Variants in PIWIL2 observed in about 807,000 individuals in gnomAD.
The protein encoded by PIWIL2 is piwi like RNA-mediated gene silencing 2, also known as piwi-like protein 2.
Under a neutral mutation model 116.5 loss-of-function variants are expected in PIWIL2, and 81 were observed. The observed-to-expected ratio is 0.70, with a 90% CI of 0.58 to 0.84. The LOEUF (loss-of-function observed/expected upper bound fraction) is 0.84. Ranked by LOEUF, PIWIL2 falls within the 40% of genes least tolerant of loss-of-function variation. The pLI, the probability that PIWIL2 is intolerant of heterozygous loss-of-function variation, is 0.00. For missense variants in PIWIL2, 1,272 were observed against 1,212.3 expected, an observed-to-expected ratio of 1.05 and a Z score of -0.73; for synonymous variants, 489 against 429.5, an observed-to-expected ratio of 1.14 and a Z score of -1.71.
chr8:22,326,934 G>T (rs1831738517), intron 20 of PIWIL2, among the ~76,000 whole-genome samples: 1 of 151,868 alleles, frequency 6.6e-6, no homozygotes, highest in Admixed American at 6.6e-5. Context: ...TTGCCCAGTG[G>T]CCAAGCATCA....
At chr8:22,315,623 A>G (rs1230563603) in intron 18 of PIWIL2, among the ~76,000 whole-genome samples, 1 of 152,130 alleles carries the variant, frequency 6.6e-6, no homozygotes, top group Non-Finnish European at 1.5e-5. Context: ...CCTGGTTTTT[A>G]TGTTTTTAAA....
chr8:22,338,203 G>T lies in PIWIL2; in HGVS notation c.2404-14756G>T, dbSNP rs151126433. Reference sequence around the variant, plus strand: ...ATTGAGAAGATTGGGAAGGAGAAAAGAAAACTATCTTTGCAGTTTGTGTGA... The same window carrying T: ...ATTGAGAAGATTGGGAAGGAGAAAATAAAACTATCTTTGCAGTTTGTGTGA... On this transcript the variant is annotated intron_variant, in intron 20 of 22. Transcript: ENST00000356766. Among the ~76,000 whole-genome samples the T allele has an allele frequency of 2.7e-4, 41 of 152,282 alleles. No homozygotes were observed. The East Asian group carries it at 7.7e-3, about 29-fold the overall frequency.
chr8:22,304,045 A>G lies in PIWIL2; in HGVS notation c.1206A>G (p.Lys402=), dbSNP rs1563374359. 6.2e-7 allele frequency: 1 copy of G among 1,612,644 alleles called. No individual in the cohort carries two copies. The highest frequency in any genetic ancestry group is 8.5e-7 in the Non-Finnish European group (1 of 1,179,410). Reference sequence around the variant, plus strand: ...GGCATGCCATTTATCAGCAGAATAAAGAACACTTCCAGGATGAGTGTACTA... The same window carrying G: ...GGCATGCCATTTATCAGCAGAATAAGGAACACTTCCAGGATGAGTGTACTA... The part of the protein sequence containing the change: ...DVMHAIYQQN[K]EHFQDECTKL... The change falls in exon 11 of 23, where the codon AAA becomes AAG. Residue 402 remains lysine (K), a synonymous_variant. Coordinates refer to ENST00000356766, the MANE Select transcript of PIWIL2 (RefSeq NM_018068.5).
intron 10 of PIWIL2, among the ~76,000 whole-genome samples, chr8:22,295,134 T>TA (rs1417581647): frequency 2.6e-5 from 4 of 152,046 alleles, no homozygotes; most frequent in Admixed American, 6.6e-5. Context: ...TTTTTTTTGT[T>TA]AAAAAAATTC....
intron 5 of PIWIL2, 148 bp from the exon 6 acceptor site, chr8:22,284,014 A>G (rs1830574964): frequency 1.9e-6 from 1 of 514,732 alleles, no homozygotes; most frequent in Non-Finnish European, 3.4e-6. Flanking sequence ...TGCTTCTGTA[A>G]GTGTTGCCTC....
chr8:22,278,335 C>G (rs1466094121), intron 1 of PIWIL2, among the ~76,000 whole-genome samples: 2 of 152,038 alleles, frequency 1.3e-5, no homozygotes, highest in Non-Finnish European at 2.9e-5. Context: ...GCCTTGGCAA[C>G]GTGGCAAGAC....
intron 22 of PIWIL2, among the ~76,000 whole-genome samples, chr8:22,354,788 G>T (rs1832452297): frequency 1.3e-5 from 2 of 152,180 alleles, no homozygotes; most frequent in Non-Finnish European, 2.9e-5. Flanking sequence ...AAAAACAGGA[G>T]GCTGGGTGCG....
intron 20 of PIWIL2, among the ~76,000 whole-genome samples, chr8:22,343,212 C>T (rs1483284667): frequency 6.6e-6 from 1 of 152,154 alleles, no homozygotes; most frequent in African/African-American, 2.4e-5. Context: ...CAAGACCAAC[C>T]TGACCAACAT....
In PIWIL2 at chr8:22,353,054, A is replaced by T; in HGVS notation, c.2499A>T (p.Leu833=). 1 of 1,614,132 alleles carries T rather than the reference A, an allele frequency of 6.2e-7. No individual in the cohort carries two copies. The highest frequency in any genetic ancestry group is 8.5e-7 in the Non-Finnish European group (1 of 1,179,990). ...KTVANYEIPQ[L]QKCFEAFENY... is the part of the protein sequence containing the mutation. ...TTGCCAACTATGAGATTCCTCAACT[A>T]CAGAAGTGTTTTGAAGCTTTTGAGA... is the stretch of plus-strand genomic sequence containing the variant. Residue 833 remains leucine, a synonymous_variant, in exon 21 of 23, where the codon CTA becomes CTT. Coordinates refer to ENST00000356766, the MANE Select transcript of PIWIL2 (RefSeq NM_018068.5).
chr8:22,339,050 T>C (rs1832045623), intron 20 of PIWIL2, among the ~76,000 whole-genome samples: 1 of 152,212 alleles, frequency 6.6e-6, no homozygotes, highest in African/African-American at 2.4e-5. Flanking sequence ...GGTTAACTGA[T>C]TTTCAGCAAG....
chr8:22,300,023 T>TC (rs1831008698), intron 10 of PIWIL2, among the ~76,000 whole-genome samples: 1 of 152,014 alleles, frequency 6.6e-6, no homozygotes, highest in Non-Finnish European at 1.5e-5. Context: ...CGCTGCAACC[T>TC]CCATCTCCCG....
chr8:22,289,754 G>A (rs777977376), intron 8 of PIWIL2, 93 bp from the exon 9 acceptor site: 27 of 761,836 alleles, frequency 3.5e-5, no homozygotes, highest in Non-Finnish European at 4.8e-5. Flanking sequence ...ATTTCTAACC[G>A]TTCAGACTTC....
At chr8:22,346,832 A>G (rs1832238008) in intron 20 of PIWIL2, among the ~76,000 whole-genome samples, 1 of 152,014 alleles carries the variant, frequency 6.6e-6, no homozygotes, top group Non-Finnish European at 1.5e-5. Context: ...GGATCTTCTG[A>G]GTTCAGGTGT....
intron 19 of PIWIL2, among the ~76,000 whole-genome samples, chr8:22,317,412 A>G (rs985932117): frequency 6.6e-6 from 1 of 152,152 alleles, no homozygotes; most frequent in African/African-American, 2.4e-5. Flanking sequence ...ACACATATAT[A>G]TATTTGTACA....
chr8:22,339,522 C>G (rs534342709), intron 20 of PIWIL2, among the ~76,000 whole-genome samples: 4 of 151,734 alleles, frequency 2.6e-5, no homozygotes, highest in South Asian at 2.1e-4. Context: ...AAAAACTATG[C>G]AACTGTAGAC....
At chr8:22,351,436 C>CATATATATT (rs1306694253) in intron 20 of PIWIL2, among the ~76,000 whole-genome samples, 2 of 46,270 alleles carry the variant, frequency 4.3e-5, no homozygotes, top group Admixed American at 5.5e-4. Context: ...ACAGTGCATA[C>CATATATATT]ATACATATAT....
chr8:22,295,082 GA>G (rs568031412), intron 10 of PIWIL2, among the ~76,000 whole-genome samples: 2,832 of 149,004 alleles, frequency 0.019, 49 homozygotes, highest in Middle Eastern at 0.065. Context: ...TCGTCTGGGG[GA>G]AAAAAAAAAT....
At chr8:22,295,969 T>C (rs1459669975) in intron 10 of PIWIL2, among the ~76,000 whole-genome samples, 1 of 151,402 alleles carries the variant, frequency 6.6e-6, no homozygotes, top group African/African-American at 2.4e-5. Context: ...GTTCGGCTGG[T>C]TGCTCTCCCG....
chr8:22,350,013 AAGGCGTTTTT>A (rs1832319233), intron 20 of PIWIL2, among the ~76,000 whole-genome samples: 1 of 152,164 alleles, frequency 6.6e-6, no homozygotes, highest in African/African-American at 2.4e-5. Flanking sequence ...GTGATATATA[AAGGCGTTTTT>A]AGTCATAAGG....
Sources: gnomAD v4.1 joint callset for allele counts (sites outside exome capture counted in the v4.1 genomes callset) on GRCh38, gnomAD v4.1.1 for gene constraint, MANE v1.5 for transcripts, NCBI Gene and HGNC (gene_info 2026-07-23, HGNC 2026-07-21) for gene names.